The following LUZP2 variants were observed in gnomAD, a reference collection of about 807,000 sequenced individuals.
The protein encoded by LUZP2 is leucine zipper protein 2.
LUZP2 carries 52 observed loss-of-function variants against 51.6 expected under a neutral mutation model. That is an observed-to-expected ratio of 1.01 (90% confidence interval 0.81 to 1.27). The LOEUF (loss-of-function observed/expected upper bound fraction) is 1.27, where lower values mean the gene tolerates loss of function less well. Ranked by LOEUF, LUZP2 falls within the 50% of genes most tolerant of loss-of-function variation. The pLI is 0.00. For missense variants in LUZP2, 436 were observed against 395.4 expected (o/e 1.10, Z -0.87); for synonymous variants, 154 against 137.3 (o/e 1.12, Z -0.85).
At chr11:24,890,973 T>C (rs1201199309) in intron 5 of LUZP2, 6 of 955,312 alleles carry the variant, frequency 6.3e-6, no homozygotes, top group Non-Finnish European at 7.3e-6. Context: ...TGCAGTGAAA[T>C]GGCAAGCATC....
intron 1 of LUZP2, among the ~76,000 whole-genome samples, chr11:24,551,007 T>G (rs11028005): frequency 6.6e-6 from 1 of 151,884 alleles, no homozygotes; most frequent in African/African-American, 2.4e-5. Context: ...ATAACAGGTA[T>G]GCTTGTATCT....
intron 9 of LUZP2, among the ~76,000 whole-genome samples, chr11:25,045,344 A>G (rs1405217280): frequency 6.6e-6 from 1 of 151,934 alleles, no homozygotes; most frequent in African/African-American, 2.4e-5. Context: ...GAGCACAAGG[A>G]CAGCCTTTCA....
intron 9 of LUZP2, among the ~76,000 whole-genome samples, chr11:25,023,858 A>T (rs1857410635): frequency 6.6e-6 from 1 of 152,150 alleles, no homozygotes; most frequent in African/African-American, 2.4e-5. Context: ...GGTTACAAAG[A>T]ATATCTTTAT....
intron 1 of LUZP2, among the ~76,000 whole-genome samples, chr11:24,641,375 A>G (rs1392807752): frequency 6.6e-6 from 1 of 151,920 alleles, no homozygotes; most frequent in African/African-American, 2.4e-5. Flanking sequence ...ATCTTTGCAT[A>G]GAGACACACA....
intron 5 of LUZP2, among the ~76,000 whole-genome samples, chr11:24,886,159 ATAAT>A (rs913605595): frequency 3.9e-5 from 6 of 152,342 alleles, no homozygotes; most frequent in South Asian, 2.1e-4. Flanking sequence ...TATTAAAAAC[ATAAT>A]TTATTTAAAC....
chr11:24,805,704 T>C (rs1344497101), intron 5 of LUZP2, among the ~76,000 whole-genome samples: 1 of 152,146 alleles, frequency 6.6e-6, no homozygotes, highest in East Asian at 1.9e-4. Context: ...TTCTAGCCCA[T>C]CGTTTTCTCA....
chr11:24,516,346 G>A (rs974525982), intron 1 of LUZP2, among the ~76,000 whole-genome samples: 4 of 152,080 alleles, frequency 2.6e-5, no homozygotes, highest in Non-Finnish European at 5.9e-5. Flanking sequence ...GAAATAATCA[G>A]AATCCAGTTT....
At chr11:24,647,534 C>A (rs1423659732) in intron 1 of LUZP2, among the ~76,000 whole-genome samples, 1 of 151,814 alleles carries the variant, frequency 6.6e-6, no homozygotes, top group Non-Finnish European at 1.5e-5. Flanking sequence ...ATAGTCTGTT[C>A]AACTTGATGA....
At chr11:24,847,236 C>A (rs1433841111) in intron 5 of LUZP2, among the ~76,000 whole-genome samples, 1 of 150,538 alleles carries the variant, frequency 6.6e-6, no homozygotes, top group Non-Finnish European at 1.5e-5. Context: ...ATTTACAGTT[C>A]ACTATTTATT....
chr11:24,846,889 A>G (rs1851217437), intron 5 of LUZP2, among the ~76,000 whole-genome samples: 1 of 151,782 alleles, frequency 6.6e-6, no homozygotes, highest in African/African-American at 2.4e-5. Flanking sequence ...ATATAAACAC[A>G]TATATATGCA....
At chr11:24,844,384 T>C (rs1851133272) in intron 5 of LUZP2, among the ~76,000 whole-genome samples, 1 of 152,170 alleles carries the variant, frequency 6.6e-6, no homozygotes, top group Admixed American at 6.6e-5. Context: ...AAGAAATTTG[T>C]AAGCAGCAAA....
intron 1 of LUZP2, among the ~76,000 whole-genome samples, chr11:24,555,247 A>T (rs959832617): frequency 6.6e-6 from 1 of 152,148 alleles, no homozygotes. Context: ...GTAGAAGTGG[A>T]TTTTCCTCAT....
intron 1 of LUZP2, among the ~76,000 whole-genome samples, chr11:24,710,740 C>T (rs1422885403): frequency 6.6e-6 from 1 of 150,934 alleles, no homozygotes; most frequent in Non-Finnish European, 1.5e-5. Context: ...TAATACATGT[C>T]TTCAGTGTAA....
intron 1 of LUZP2, among the ~76,000 whole-genome samples, chr11:24,546,504 C>A (rs189881057): frequency 4.3e-4 from 66 of 152,000 alleles, no homozygotes; most frequent in African/African-American, 1.5e-3. Flanking sequence ...TTATCAAAAG[C>A]TTTTTTTGCA....
rs188931357 is a variant in LUZP2, at chr11:24,711,683, G to A, written c.63-17486G>A. On this transcript the variant is annotated intron_variant, in intron 1 of 11. Coordinates refer to ENST00000336930, the MANE Select transcript of LUZP2 (RefSeq NM_001009909.4). ...AATTTGATTTCTTTATACACACACC[G>A]TCACACATACAACACATAATTTTAT... is the stretch of plus-strand genomic sequence containing the variant. Among the ~76,000 whole-genome samples the A allele has an allele frequency of 7.9e-4, 120 of 152,052 alleles. 2 individuals are homozygous for A. In the South Asian group the frequency reaches 0.019, roughly 24 times the overall value.
At chr11:24,663,775 C>T (rs1302329658) in intron 1 of LUZP2, among the ~76,000 whole-genome samples, 1 of 152,046 alleles carries the variant, frequency 6.6e-6, no homozygotes, top group Admixed American at 6.6e-5. Context: ...ATGCTATTCT[C>T]GTGCTAGTAA....
chr11:24,716,764 C>G (rs1013719600), intron 1 of LUZP2, among the ~76,000 whole-genome samples: 1 of 152,062 alleles, frequency 6.6e-6, no homozygotes, highest in African/African-American at 2.4e-5. Context: ...GGCATGATGG[C>G]AGGCAACTGT....
intron 5 of LUZP2, among the ~76,000 whole-genome samples, chr11:24,842,778 G>A (rs914587950): frequency 2.6e-5 from 4 of 151,644 alleles, no homozygotes; most frequent in African/African-American, 9.7e-5. Context: ...ATATAATGTA[G>A]TTATAATAAC....
chr11:24,972,601 T>C (rs1855773455), intron 7 of LUZP2, among the ~76,000 whole-genome samples: 1 of 152,180 alleles, frequency 6.6e-6, no homozygotes. Context: ...TTTGAGTATG[T>C]TCCTTCAATA....
Sources: allele counts gnomAD v4.1 joint callset (sites outside exome capture counted in the v4.1 genomes callset), GRCh38; gene constraint gnomAD v4.1.1; transcripts MANE v1.5; gene names NCBI Gene and HGNC (gene_info 2026-07-23, HGNC 2026-07-21).